Variants in FOCAD observed in about 807,000 individuals in gnomAD.
FOCAD encodes KIAA1797.
In FOCAD, 198 loss-of-function variants were observed where a neutral mutation model predicts 225.6. The ratio of observed to expected loss-of-function variants is 0.88; its 90% CI spans 0.78 to 0.99. The LOEUF (loss-of-function observed/expected upper bound fraction) is 0.99, where lower values mean the gene tolerates loss of function less well. Among genes scored for constraint, FOCAD ranks in the 50% least tolerant of loss-of-function variants. The pLI is 0.00. For synonymous variants in FOCAD, 897 were observed against 755.0 expected, an observed-to-expected ratio of 1.19 and a Z score of -3.08; for missense variants, 2,713 against 2,123.6, an observed-to-expected ratio of 1.28 and a Z score of -5.46.
chr9:20,905,763 C>A (rs763612144), intron 21 of FOCAD, among the ~76,000 whole-genome samples: 2 of 151,980 alleles, frequency 1.3e-5, no homozygotes, highest in African/African-American at 2.4e-5. Flanking sequence ...ACCTGGATAA[C>A]AGGAGAAGAA....
chr9:20,752,450 C>T (rs200924094), intron 5 of FOCAD, among the ~76,000 whole-genome samples: 14 of 152,148 alleles, frequency 9.2e-5, no homozygotes, highest in Admixed American at 2.6e-4. Context: ...CTCAGGTTTG[C>T]CAAAGATCAG....
At chr9:20,756,705 C>G (rs1266907665) in intron 5 of FOCAD, among the ~76,000 whole-genome samples, 1 of 152,186 alleles carries the variant, frequency 6.6e-6, no homozygotes, top group Non-Finnish European at 1.5e-5. Flanking sequence ...GCATTTCTAA[C>G]AAGTTCCCAG....
chr9:20,660,144 CGAG>C (rs766305659), intron 2 of FOCAD, among the ~76,000 whole-genome samples: 4 of 151,986 alleles, frequency 2.6e-5, no homozygotes, highest in Non-Finnish European at 5.9e-5. Flanking sequence ...GATGTGGAGA[CGAG>C]GAGATAAGAG....
chr9:20,919,737 G>C (rs927969258), intron 24 of FOCAD, among the ~76,000 whole-genome samples: 1 of 152,158 alleles, frequency 6.6e-6, no homozygotes, highest in Non-Finnish European at 1.5e-5. Flanking sequence ...CATAAATGGT[G>C]CTGGGAAAAC....
chr9:20,683,462 C>T (rs576997456), upstream of FOCAD: 1 of 152,172 alleles, frequency 6.6e-6, no homozygotes, highest in Non-Finnish European at 1.5e-5. Context: ...AGTCTCTCCT[C>T]GTTTTTTTCT....
intron 15 of FOCAD, among the ~76,000 whole-genome samples, chr9:20,860,467 T>C (rs568875851): frequency 2.0e-4 from 30 of 152,310 alleles, no homozygotes; most frequent in African/African-American, 6.7e-4. Flanking sequence ...AGCTCTCTTA[T>C]TAGTTCCTCA....
At chr9:20,879,355 G>A (rs1273531709) in intron 19 of FOCAD, among the ~76,000 whole-genome samples, 1 of 152,052 alleles carries the variant, frequency 6.6e-6, no homozygotes, top group Non-Finnish European at 1.5e-5. Context: ...GTGATTTTGG[G>A]GATTTTAGAT....
rs150929385 is a variant in FOCAD, at chr9:20,724,910, C to T, written c.287+4376C>T. ...TGGGCCAGGCGTGGTGGCTCATGCC[C>T]GTAATCCCAGCACTTTGGGAGGCTG... On this transcript the variant is annotated intron_variant, in intron 4 of 43. Transcript: ENST00000338382. Among the ~76,000 whole-genome samples the T allele has an allele frequency of 9.2e-5, 14 of 152,134 alleles. No homozygotes were observed. The East Asian group carries it at 1.4e-3, about 15-fold the overall frequency.
intron 19 of FOCAD, among the ~76,000 whole-genome samples, chr9:20,881,139 G>T (rs1830634246): frequency 6.6e-6 from 1 of 152,108 alleles, no homozygotes; most frequent in South Asian, 2.1e-4. Flanking sequence ...TATGAAAGAG[G>T]TTTTTCTGAA....
intron 35 of FOCAD, among the ~76,000 whole-genome samples, chr9:20,958,549 A>T (rs1485605496): frequency 6.6e-6 from 1 of 151,786 alleles, no homozygotes; most frequent in South Asian, 2.1e-4. Context: ...GGAACATTCA[A>T]TTCCTCCTCC....
intron 15 of FOCAD, among the ~76,000 whole-genome samples, chr9:20,832,510 A>C (rs62560486): frequency 0.22 from 33,601 of 151,930 alleles, 3,944 homozygotes; most frequent in South Asian, 0.32. Flanking sequence ...GAATGGAGTA[A>C]TCATCCTTTC....
chr9:20,807,265 C>G (rs1822558557), intron 11 of FOCAD, among the ~76,000 whole-genome samples: 1 of 152,228 alleles, frequency 6.6e-6, no homozygotes, highest in Non-Finnish European at 1.5e-5. Flanking sequence ...CCTTGCCCCT[C>G]TGGGGCTATC....
At chr9:20,802,098 T>G (rs1821904307) in intron 11 of FOCAD, among the ~76,000 whole-genome samples, 1 of 152,120 alleles carries the variant, frequency 6.6e-6, no homozygotes, top group African/African-American at 2.4e-5. Flanking sequence ...ACAAACTAAG[T>G]GGAGCCAGGC....
intron 4 of FOCAD, among the ~76,000 whole-genome samples, chr9:20,736,910 T>C (rs1001827781): frequency 2.0e-5 from 3 of 151,804 alleles, no homozygotes; most frequent in African/African-American, 7.2e-5. Context: ...ATTTGAAATA[T>C]GTAAATCATA....
chr9:20,768,466 A>ATG (rs1179425884), intron 7 of FOCAD, among the ~76,000 whole-genome samples: 1 of 151,692 alleles, frequency 6.6e-6, no homozygotes, highest in East Asian at 1.9e-4. Context: ...TGAGCATGGA[A>ATG]TGTTCTTCCA....
chr9:20,947,843 C>G (rs1837326359), intron 30 of FOCAD, among the ~76,000 whole-genome samples: 1 of 152,114 alleles, frequency 6.6e-6, no homozygotes, highest in Admixed American at 6.5e-5. Flanking sequence ...TACCCGCTCA[C>G]TTACATTCAG....
At chr9:20,906,487 C>CTGTTG (rs1208718211) in intron 21 of FOCAD, among the ~76,000 whole-genome samples, 12 of 151,988 alleles carry the variant, frequency 7.9e-5, no homozygotes, top group Non-Finnish European at 1.2e-4. Context: ...GCAAGATAGC[C>CTGTTG]ATGTACTAAT....
chr9:20,753,222 A>G (rs945939214), intron 5 of FOCAD, among the ~76,000 whole-genome samples: 6 of 151,358 alleles, frequency 4.0e-5, no homozygotes, highest in Non-Finnish European at 8.9e-5. Flanking sequence ...GAGAGAGGGC[A>G]TCCCTGTCTT....
At chr9:20,946,988 T>G (rs917712441) in intron 30 of FOCAD, among the ~76,000 whole-genome samples, 168 bp downstream of exon 30, 2 of 152,228 alleles carry the variant, frequency 1.3e-5, no homozygotes, top group African/African-American at 2.4e-5. Context: ...GTCACAGATG[T>G]CTTTTTCTCT....
Sources: allele counts gnomAD v4.1 joint callset (sites outside exome capture counted in the v4.1 genomes callset), GRCh38; gene constraint gnomAD v4.1.1; transcripts MANE v1.5; gene names NCBI Gene and HGNC (gene_info 2026-07-23, HGNC 2026-07-21).